Variants in SNAP25 observed in about 807,000 individuals in gnomAD.
SNAP25 encodes synaptosomal-associated protein 25.
In SNAP25, 3 loss-of-function variants were observed where a neutral mutation model predicts 28.7. The observed-to-expected ratio is 0.10, with a 90% CI of 0.05 to 0.27. SNAP25 has a LOEUF of 0.27. Among genes scored for constraint, SNAP25 ranks in the 10% least tolerant of loss-of-function variants. The pLI is 1.00. For missense variants in SNAP25, 117 were observed against 278.7 expected, an observed-to-expected ratio of 0.42 and a Z score of 4.13; for synonymous variants, 61 against 88.1, an observed-to-expected ratio of 0.69 and a Z score of 1.72.
Position 10,254,068 on chromosome 20 carries a change from C to A in SNAP25, c.-63-21361C>A, listed in dbSNP as rs547734240. On this transcript the variant is annotated intron_variant, in intron 1 of 7. Coordinates refer to ENST00000254976, the MANE Select transcript of SNAP25 (RefSeq NM_130811.4). ...CTACAAGATTTATCCCCGGAGGGTT[C>A]CTTTAGCAGGCACTGTGGGTCTCCT... is the stretch of plus-strand genomic sequence containing the variant. 2.6e-5 allele frequency among the ~76,000 whole-genome samples: 4 copies of A among 152,350 alleles called. No homozygotes were observed. The East Asian group carries it at 7.7e-4, about 29-fold the overall frequency.
At chr20:10,233,826 C>T (rs564542087) in intron 1 of SNAP25, among the ~76,000 whole-genome samples, 1 of 152,266 alleles carries the variant, frequency 6.6e-6, no homozygotes, top group East Asian at 1.9e-4. Context: ...AGCTTGTTTT[C>T]AACTTTGTTT....
intron 1 of SNAP25, among the ~76,000 whole-genome samples, chr20:10,253,484 C>T (rs2063266029): frequency 6.6e-6 from 1 of 152,084 alleles, no homozygotes; most frequent in Non-Finnish European, 1.5e-5. Context: ...ATGAAGGCAC[C>T]CACATCACAT....
chr20:10,219,263 T>C (rs1291385222), intron 1 of SNAP25: 1 of 152,234 alleles, frequency 6.6e-6, no homozygotes, highest in Non-Finnish European at 1.5e-5. Flanking sequence ...TGGGACCCCC[T>C]CTTTCTTCCA....
chr20:10,245,250 T>A (rs2063106059), intron 1 of SNAP25, among the ~76,000 whole-genome samples: 1 of 152,200 alleles, frequency 6.6e-6, no homozygotes, highest in South Asian at 2.1e-4. Context: ...ACTGTCTATA[T>A]CCTGCTCTCT....
At chr20:10,229,856 T>C (rs1467099836) in intron 1 of SNAP25, among the ~76,000 whole-genome samples, 1 of 152,058 alleles carries the variant, frequency 6.6e-6, no homozygotes, top group Non-Finnish European at 1.5e-5. Flanking sequence ...GGGTTAGTAA[T>C]TAAAATACTA....
intron 4 of SNAP25, among the ~76,000 whole-genome samples, chr20:10,287,259 T>C (rs996220641): frequency 1.1e-4 from 16 of 152,062 alleles, no homozygotes; most frequent in Non-Finnish European, 1.5e-4. Flanking sequence ...AACCTACTCA[T>C]CTGACAAAGG....
At chr20:10,271,486 T>C (rs956702080) in intron 1 of SNAP25, among the ~76,000 whole-genome samples, 4 of 152,196 alleles carry the variant, frequency 2.6e-5, no homozygotes, top group Non-Finnish European at 4.4e-5. Flanking sequence ...CGTATCTCCA[T>C]GTTTTAGAGC....
intron 1 of SNAP25, among the ~76,000 whole-genome samples, chr20:10,233,310 G>A (rs963078661): frequency 6.7e-6 from 1 of 149,098 alleles, no homozygotes; most frequent in South Asian, 2.1e-4. Flanking sequence ...TTAAGCCTAA[G>A]ATTCCTTCCA....
intron 1 of SNAP25, among the ~76,000 whole-genome samples, chr20:10,270,470 A>C (rs1194766586): frequency 6.6e-6 from 1 of 152,080 alleles, no homozygotes; most frequent in Non-Finnish European, 1.5e-5. Context: ...AGGCCAAGGC[A>C]GGTGGATCTC....
At chr20:10,244,034 G>A (rs2063083782) in intron 1 of SNAP25, among the ~76,000 whole-genome samples, 1 of 152,066 alleles carries the variant, frequency 6.6e-6, no homozygotes, top group African/African-American at 2.4e-5. Context: ...TGTTACCTTG[G>A]GTAAGTTATT....
intron 4 of SNAP25, among the ~76,000 whole-genome samples, chr20:10,289,282 C>G (rs2063947432): frequency 6.6e-6 from 1 of 152,110 alleles, no homozygotes; most frequent in Non-Finnish European, 1.5e-5. Context: ...AAGGGAAGTC[C>G]CCAAATGACC....
chr20:10,235,993 G>A (rs2062912527), intron 1 of SNAP25, among the ~76,000 whole-genome samples: 1 of 152,190 alleles, frequency 6.6e-6, no homozygotes, highest in Non-Finnish European at 1.5e-5. Context: ...GTGGAAGGGG[G>A]ATTATGGATT....
chr20:10,297,156 C>G, intron 6 of SNAP25, 106 bp downstream of exon 6: 1 of 1,325,582 alleles, frequency 7.5e-7, no homozygotes, highest in Non-Finnish European at 9.9e-7. Flanking sequence ...GCTCATTAAT[C>G]TACATACCTG....
intron 1 of SNAP25, among the ~76,000 whole-genome samples, chr20:10,248,814 G>T (rs1254090850): frequency 1.3e-5 from 2 of 152,180 alleles, no homozygotes; most frequent in Admixed American, 6.5e-5. Flanking sequence ...GCTTGTTAAA[G>T]CAATTTGCTG....
In SNAP25 at chr20:10,293,402, G is replaced by A. The variant is rs775764348; in HGVS notation, c.281+124G>A. 8.4e-5 allele frequency: 57 copies of A among 682,078 alleles called. No homozygotes were observed. The highest frequency in any genetic ancestry group is 2.9e-4 in the Middle Eastern group (1 of 3,480). 42.3% of individuals were successfully genotyped at this position (682,078 alleles called of 1,614,324 possible). On this transcript the variant is annotated intron_variant, in intron 5 of 7. Transcript: ENST00000254976. This position sits in a 1 kb window ranked among gnomAD's most constrained non-coding sequence, Gnocchi z 5.6. ...GTGGCATGCAGAACAGATCAATACC[G>A]TCTCCAATGCATTCATCTCATAGCA...
At position 10,307,313 on chromosome 20, in the gene SNAP25, T is replaced by G. The variant is rs149697640; in HGVS notation, c.*1116T>G. On this transcript the variant is annotated 3_prime_UTR_variant, in exon 8 of 8. Transcript: ENST00000254976. ...AATGAAATATAAACTGTGAGATAAATATCATTATAGCATGTAATATTAAAT... is the reference window on the plus strand; with the variant it reads ...AATGAAATATAAACTGTGAGATAAAGATCATTATAGCATGTAATATTAAAT... 4 of 152,622 alleles carry G rather than the reference T, an allele frequency of 2.6e-5. No homozygotes were observed. The highest frequency in any genetic ancestry group is 5.9e-5 in the Non-Finnish European group (4 of 68,030). The allele number at this position is 152,622 out of a possible 1,614,324, so 9.5% of individuals were successfully genotyped here.
chr20:10,257,668 G>A (rs571464506), intron 1 of SNAP25, among the ~76,000 whole-genome samples: 9 of 150,824 alleles, frequency 6.0e-5, no homozygotes, highest in Non-Finnish European at 1.0e-4. Flanking sequence ...CCGAGATTGC[G>A]CCATTGCACT....
At chr20:10,276,629 A>T (rs2063696066) in intron 2 of SNAP25, among the ~76,000 whole-genome samples, 1 of 152,210 alleles carries the variant, frequency 6.6e-6, no homozygotes, top group Non-Finnish European at 1.5e-5. Context: ...TCCAACCAAC[A>T]TTCATGTCAG....
chr20:10,296,622 C>T, intron 5 of SNAP25: 1 of 340,486 alleles, frequency 2.9e-6, no homozygotes, highest in Non-Finnish European at 5.4e-6. Context: ...ATTAAATGTC[C>T]TCCAGCTACC....
Sources: gnomAD v4.1 joint callset for allele counts (sites outside exome capture counted in the v4.1 genomes callset) on GRCh38, gnomAD v4.1.1 for gene constraint, Gnocchi (gnomAD v3.1) non-coding constraint, MANE v1.5 for transcripts, NCBI Gene and HGNC (gene_info 2026-07-23, HGNC 2026-07-21) for gene names.